PHF24: variants seen among roughly 807,000 people sequenced by gnomAD.
PHF24 encodes PHD finger protein 24.
PHF24 carries 25 observed loss-of-function variants against 42.6 expected under a neutral mutation model. That is an observed-to-expected ratio of 0.59 (90% CI 0.43 to 0.82). The LOEUF (loss-of-function observed/expected upper bound fraction) is 0.82. PHF24 is among the 40% of genes least tolerant of loss of function. PHF24 has a pLI of 0.00. For missense variants in PHF24, 470 were observed against 538.1 expected (o/e 0.87, Z 1.25); for synonymous variants, 185 against 204.8 (o/e 0.90, Z 0.83).
the PHF24 span, chr9:34,728,186 A>G: frequency 5.7e-6 from 6 of 1,049,688 alleles, no homozygotes; most frequent in Non-Finnish European, 8.3e-6. Flanking sequence ...AAAAGACTAC[A>G]ATCCTGAAAA....
At chr9:34,980,717 TC>T (rs1827360300) in exon 8 of PHF24, 1 of 152,250 alleles carries the variant, frequency 6.6e-6, no homozygotes, top group South Asian at 2.1e-4. Context: ...TCACTGTGAC[TC>T]TGAAATTCTG....
the PHF24 span, among the ~76,000 whole-genome samples, chr9:34,770,353 A>G: frequency 6.6e-6 from 1 of 152,132 alleles, no homozygotes; most frequent in African/African-American, 2.4e-5. Flanking sequence ...GACAAAATTC[A>G]AAAGTTTCAT....
chr9:34,789,908 A>G, the PHF24 span, among the ~76,000 whole-genome samples: 1 of 152,166 alleles, frequency 6.6e-6, no homozygotes, highest in African/African-American at 2.4e-5. Flanking sequence ...ATGCAGTGGT[A>G]CCATCATAAC....
At chr9:34,849,155 T>C in the PHF24 span, among the ~76,000 whole-genome samples, 4 of 152,144 alleles carry the variant, frequency 2.6e-5, no homozygotes, top group Non-Finnish European at 5.9e-5. Flanking sequence ...CTGGGTATCC[T>C]TGTTAACTTT....
the PHF24 span, among the ~76,000 whole-genome samples, chr9:34,785,294 G>C: frequency 2.0e-5 from 3 of 152,204 alleles, no homozygotes; most frequent in African/African-American, 4.8e-5. Context: ...AGGCTCTTCT[G>C]TAAGGGCATT....
the PHF24 span, among the ~76,000 whole-genome samples, chr9:34,677,899 T>G: frequency 1.3e-5 from 2 of 152,148 alleles, no homozygotes; most frequent in Non-Finnish European, 1.5e-5. Context: ...AATGGCTGGC[T>G]TCTTCTCTTT....
At chr9:34,759,120 C>T in the PHF24 span, among the ~76,000 whole-genome samples, 1 of 152,198 alleles carries the variant, frequency 6.6e-6, no homozygotes, top group East Asian at 1.9e-4. Flanking sequence ...CATCTTGCTG[C>T]TGTCACTGAG....
the PHF24 span, among the ~76,000 whole-genome samples, chr9:34,871,193 T>C: frequency 2.0e-5 from 3 of 152,236 alleles, no homozygotes; most frequent in Non-Finnish European, 4.4e-5. Context: ...CCTAAGGACA[T>C]ATGGTGTGGA....
chr9:34,714,362 G>A, the PHF24 span, among the ~76,000 whole-genome samples: 34,813 of 152,072 alleles, frequency 0.23, 4,768 homozygotes, highest in African/African-American at 0.38. Context: ...CTGTCTCTGA[G>A]GAATTCTCAG....
chr9:34,773,100 C>T, the PHF24 span, among the ~76,000 whole-genome samples: 6 of 151,908 alleles, frequency 3.9e-5, no homozygotes, highest in East Asian at 3.9e-4. Flanking sequence ...AAGTGATTCT[C>T]CTGCCTCAGC....
chr9:34,859,807 T>C, the PHF24 span, among the ~76,000 whole-genome samples: 2 of 152,340 alleles, frequency 1.3e-5, no homozygotes, highest in East Asian at 1.9e-4. Flanking sequence ...TTTATTATGA[T>C]GTTTTCTACT....
At chr9:34,691,121 G>A in the PHF24 span, 2 of 1,613,282 alleles carry the variant, frequency 1.2e-6, no homozygotes, top group Admixed American at 1.7e-5. Flanking sequence ...AGCAGGCTGA[G>A]GGCCAGTAGC....
the PHF24 span, among the ~76,000 whole-genome samples, chr9:34,938,077 G>C: frequency 6.6e-6 from 1 of 152,210 alleles, no homozygotes; most frequent in Non-Finnish European, 1.5e-5. Context: ...GACAGCCCTT[G>C]ATTTTCATTC....
At chr9:34,837,002 G>A in the PHF24 span, 1 of 462,222 alleles carries the variant, frequency 2.2e-6, no homozygotes, top group East Asian at 7.0e-5. Context: ...CCTGCCCCAG[G>A]CTAAATGAAA....
the PHF24 span, among the ~76,000 whole-genome samples, chr9:34,765,707 G>A: frequency 3.9e-4 from 60 of 151,942 alleles, 2 homozygotes; most frequent in East Asian, 0.011. Context: ...TACATTTAAA[G>A]TTAATATTGT....
chr9:34,769,320 C>A, the PHF24 span, among the ~76,000 whole-genome samples: 1 of 151,988 alleles, frequency 6.6e-6, no homozygotes, highest in South Asian at 2.1e-4. Context: ...AGGGTTTCAC[C>A]ATGTTGGCCA....
the PHF24 span, among the ~76,000 whole-genome samples, chr9:34,700,596 T>C: frequency 2.6e-5 from 4 of 152,146 alleles, no homozygotes; most frequent in Admixed American, 2.6e-4. Flanking sequence ...TGAAGCTGCA[T>C]GTTGGGCATA....
chr9:34,771,094 C>A, the PHF24 span, among the ~76,000 whole-genome samples: 1 of 152,242 alleles, frequency 6.6e-6, no homozygotes, highest in African/African-American at 2.4e-5. Flanking sequence ...GTGTGGGTGA[C>A]AAGAGCAAAA....
exon 8 of PHF24, chr9:34,978,260 T>C: frequency 1.6e-6 from 1 of 621,334 alleles, no homozygotes. Flanking sequence ...GGCACTGAAA[T>C]CACCATTCCC....
Sources: gnomAD v4.1 joint callset for allele counts (sites outside exome capture counted in the v4.1 genomes callset) on GRCh38, gnomAD v4.1.1 for gene constraint, MANE v1.5 for transcripts, NCBI Gene and HGNC (gene_info 2026-07-23, HGNC 2026-07-21) for gene names.